The following COL23A1 variants were observed in gnomAD, a reference collection of about 807,000 sequenced individuals.
The protein encoded by COL23A1 is collagen type XXIII alpha 1 chain.
Under a neutral mutation model 99.3 loss-of-function variants are expected in COL23A1, and 97 were observed. The ratio of observed to expected loss-of-function variants is 0.98; its 90% confidence interval spans 0.83 to 1.16. COL23A1 has a LOEUF of 1.16. Ranked by LOEUF, COL23A1 falls within the 50% of genes most tolerant of loss-of-function variation. The pLI is 0.00. For synonymous variants in COL23A1, 320 were observed against 308.2 expected (o/e 1.04, Z -0.40); for missense variants, 762 against 757.4 (o/e 1.01, Z -0.07).
chr5:178,414,708 G>T (rs1223463912), intron 2 of COL23A1, among the ~76,000 whole-genome samples: 2 of 152,166 alleles, frequency 1.3e-5, no homozygotes, highest in African/African-American at 4.8e-5. Flanking sequence ...GGAGGCGGAG[G>T]TTGCAGTGAG....
intron 2 of COL23A1, among the ~76,000 whole-genome samples, chr5:178,347,897 ACCC>A (rs1561884165): frequency 1.2e-4 from 5 of 43,016 alleles, no homozygotes; most frequent in African/African-American, 4.7e-4. Context: ...AAAAAAAAAA[ACCC>A]AAAAAAACAA....
intron 2 of COL23A1, among the ~76,000 whole-genome samples, chr5:178,557,419 G>A (rs1288447907): frequency 6.6e-6 from 1 of 152,186 alleles, no homozygotes; most frequent in Non-Finnish European, 1.5e-5. Context: ...CTATTTTATT[G>A]AGGATGGGTG....
rs569914391 is a variant in COL23A1, at chr5:178,280,885, G to A, written c.441+7439C>T. 4.3e-4 allele frequency among the ~76,000 whole-genome samples: 65 copies of A among 152,326 alleles called. No homozygotes were observed. Among genetic ancestry groups the A allele is most frequent in the South Asian group, 8.3e-4 (4 of 4,826 alleles). On this transcript the variant is annotated intron_variant, in intron 5 of 28. Transcript: ENST00000390654. The surrounding 1 kb of genome is among the most constrained non-coding windows in gnomAD (Gnocchi z 4.9). ...CAGGAGGCATCTGGGAGCCGAGGGC[G>A]GAGCAGCAGCTCGGGCCCCACTGAC...
chr5:178,452,968 G>A (rs1397663769), intron 2 of COL23A1, among the ~76,000 whole-genome samples: 6 of 152,196 alleles, frequency 3.9e-5, no homozygotes, highest in Non-Finnish European at 7.3e-5. Flanking sequence ...TTAATTCCAT[G>A]ATATTGTCTG....
chr5:178,327,949 C>T (rs1369228927), intron 2 of COL23A1, among the ~76,000 whole-genome samples: 2 of 152,216 alleles, frequency 1.3e-5, no homozygotes, highest in East Asian at 1.9e-4. Flanking sequence ...CTCAGCACCT[C>T]GCTTTCCCAG....
Position 178,484,333 on chromosome 5 carries a change from A to AT in COL23A1, c.361+76348dup, listed in dbSNP as rs112544056. 9.9e-3 allele frequency among the ~76,000 whole-genome samples: 1,516 copies of AT among 152,366 alleles called. 27 individuals carry two copies. The highest frequency in any genetic ancestry group is 0.034 in the African/African-American group (1,425 of 41,586). ...CAATGCACCAAAGAAAATTAACAGCATTTTGTTGAAAGAACGAAGATTGGG... is the reference window on the plus strand; with the variant it reads ...CAATGCACCAAAGAAAATTAACAGCATTTTTGTTGAAAGAACGAAGATTGGG... On this transcript the variant is annotated intron_variant, in intron 2 of 28. Coordinates refer to ENST00000390654, the MANE Select transcript of COL23A1 (RefSeq NM_173465.4).
chr5:178,547,371 T>C (rs201395968), intron 2 of COL23A1, among the ~76,000 whole-genome samples: 1 of 151,602 alleles, frequency 6.6e-6, no homozygotes, highest in East Asian at 1.9e-4. Context: ...GAATATTGGC[T>C]CTCCTGGGCC....
At chr5:178,274,507 G>A (rs1179549101) in intron 5 of COL23A1, among the ~76,000 whole-genome samples, 1 of 152,172 alleles carries the variant, frequency 6.6e-6, no homozygotes, top group Admixed American at 6.5e-5. Flanking sequence ...GTTCTGAGCA[G>A]CTGGGCGGTC....
intron 2 of COL23A1, among the ~76,000 whole-genome samples, chr5:178,487,493 G>A (rs185407994): frequency 3.0e-4 from 45 of 152,012 alleles, no homozygotes; most frequent in Admixed American, 1.5e-3. Flanking sequence ...GCTAATTTTT[G>A]TATCAGCCTC....
At chr5:178,292,739 C>T (rs1757528762) in intron 3 of COL23A1, among the ~76,000 whole-genome samples, 1 of 152,102 alleles carries the variant, frequency 6.6e-6, no homozygotes, top group Non-Finnish European at 1.5e-5. Flanking sequence ...AGAGGATCTC[C>T]CTAGTTTTGG....
At chr5:178,529,444 T>C (rs1247988344) in intron 2 of COL23A1, among the ~76,000 whole-genome samples, 1 of 151,724 alleles carries the variant, frequency 6.6e-6, no homozygotes. Context: ...AGTGCAACTG[T>C]GTAACACTGA....
chr5:178,540,526 A>G (rs751652870), intron 2 of COL23A1, among the ~76,000 whole-genome samples: 2 of 152,206 alleles, frequency 1.3e-5, no homozygotes, highest in Non-Finnish European at 2.9e-5. Flanking sequence ...AGAAGACTCA[A>G]ATACATGGAG....
At chr5:178,399,264 G>C (rs934941482) in intron 2 of COL23A1, among the ~76,000 whole-genome samples, 1 of 152,210 alleles carries the variant, frequency 6.6e-6, no homozygotes, top group Non-Finnish European at 1.5e-5. Flanking sequence ...CTGCAGCTGT[G>C]AGCAGCCAGC....
rs1345958432 is a variant in COL23A1 at position 178,523,269 on chromosome 5, GAGA to G, written c.361+37410_361+37412del. Among the ~76,000 whole-genome samples, 403 of 144,922 alleles carry G rather than the reference GAGA, an allele frequency of 2.8e-3. 2 individuals carry two copies. The highest frequency in any genetic ancestry group is 4.1e-3 in the Non-Finnish European group (271 of 66,146). ...AGAGAGAGAGAGACAGAGAGAGAGA[GAGA>G]GAGAGAGCGCTAGGTGTGGTGGTGC... On this transcript the variant is annotated intron_variant, in intron 2 of 28. Transcript: ENST00000390654.
chr5:178,566,819 A>G (rs1297654600), intron 1 of COL23A1, among the ~76,000 whole-genome samples: 1 of 152,106 alleles, frequency 6.6e-6, no homozygotes, highest in African/African-American at 2.4e-5. Flanking sequence ...CTGTCTCAAA[A>G]AAAAAAGAAA....
chr5:178,353,667 C>G (rs1291748469), intron 2 of COL23A1, among the ~76,000 whole-genome samples: 1 of 152,188 alleles, frequency 6.6e-6, no homozygotes, highest in Non-Finnish European at 1.5e-5. Context: ...ATAGTACCCA[C>G]TTCCTGGGAA....
chr5:178,241,955 G>A (rs1764423920), intron 27 of COL23A1, 87 bp downstream of exon 27: 13 of 1,008,722 alleles, frequency 1.3e-5, no homozygotes, highest in Non-Finnish European at 1.9e-5. Context: ...GGGACTTGCA[G>A]CTGAGTTCCG....
rs533096085 is a variant in COL23A1, at chr5:178,416,191, T to C, written c.362-109272A>G. Among the ~76,000 whole-genome samples, 6 of 152,244 alleles carry C rather than the reference T, an allele frequency of 3.9e-5. No individual in the cohort carries two copies. The East Asian group carries it at 7.7e-4, about 20-fold the overall frequency. On this transcript the variant is annotated intron_variant, in intron 2 of 28. Coordinates refer to ENST00000390654, the MANE Select transcript of COL23A1 (RefSeq NM_173465.4). Reference sequence around the variant, plus strand: ...CAAGAGATGAGCATCCAGGTTGTTGTACATCTGGATTGCTTACATAATGTG... The same window carrying C: ...CAAGAGATGAGCATCCAGGTTGTTGCACATCTGGATTGCTTACATAATGTG...
chr5:178,288,473 G>A (rs2127583789), intron 4 of COL23A1, 123 bp from the exon 5 acceptor site: 1 of 856,048 alleles, frequency 1.2e-6, no homozygotes, highest in East Asian at 2.4e-5. Flanking sequence ...GACTTCCTCT[G>A]CAGCGGGAGG....
Sources: gnomAD v4.1 joint callset for allele counts (sites outside exome capture counted in the v4.1 genomes callset) on GRCh38, gnomAD v4.1.1 for gene constraint, Gnocchi (gnomAD v3.1) non-coding constraint, MANE v1.5 for transcripts, NCBI Gene and HGNC (gene_info 2026-07-23, HGNC 2026-07-21) for gene names.